SLC38A8: variants seen among roughly 807,000 people sequenced by gnomAD.
SLC38A8 encodes solute carrier family 38 member 8.
A neutral mutation model predicts 46.0 loss-of-function variants in SLC38A8; 65 were observed. The ratio of observed to expected loss-of-function variants is 1.41; its 90% CI spans 1.16 to 1.74. The LOEUF (loss-of-function observed/expected upper bound fraction) is 1.74, where lower values mean the gene tolerates loss of function less well. SLC38A8 is among the 40% of genes most tolerant of loss of function. The pLI, the probability that SLC38A8 is intolerant of heterozygous loss-of-function variation, is 0.00. For missense variants in SLC38A8, 998 were observed against 567.9 expected (o/e 1.76, Z -7.70); for synonymous variants, 447 against 243.7 (o/e 1.83, Z -7.77).
intron 6 of SLC38A8, among the ~76,000 whole-genome samples, chr16:84,028,682 TCCCCTGCCC>T (rs1280119363): frequency 7.0e-5 from 7 of 100,390 alleles, no homozygotes; most frequent in Admixed American, 3.1e-4. Flanking sequence ...GCCCGCCACC[TCCCCTGCCC>T]CCCCTGCCCC....
At position 84,042,148 on chromosome 16, in the gene SLC38A8, G is replaced by A. The variant is rs1270960525; in HGVS notation, c.10C>T (p.Gln4Ter). 2 of 1,611,294 alleles carry A rather than the reference G, an allele frequency of 1.2e-6. No individual in the cohort carries two copies. Among genetic ancestry groups the A allele is most frequent in the Non-Finnish European group, 1.7e-6 (2 of 1,178,982 alleles). The change falls in exon 2 of 11, where the codon CAG (glutamine) becomes TAG (stop). Residue 4 changes from glutamine to a stop codon, truncating the protein, a stop_gained. Transcript: ENST00000299709. LOFTEE classifies it high-confidence loss of function. ...GGAAGGCCCCTGCTTCCTGGGGTCT[G>A]TCCCTCCATGGCTAGAGGCGGCAGA... is the stretch of plus-strand genomic sequence containing the variant. MEG[Q>*]TPGSRGLPEK... is the part of the protein sequence containing the mutation.
chr16:84,025,858 G>C (rs532028745), intron 6 of SLC38A8, among the ~76,000 whole-genome samples: 8 of 152,218 alleles, frequency 5.3e-5, no homozygotes, highest in Non-Finnish European at 1.2e-4. Context: ...GCGCACCCCT[G>C]CTCTCTGGCC....
chr16:84,011,468 G>GC (rs1186343859), intron 10 of SLC38A8, among the ~76,000 whole-genome samples: 1 of 152,152 alleles, frequency 6.6e-6, no homozygotes, highest in African/African-American at 2.4e-5. Context: ...CAAAAACCAA[G>GC]CTTGGGCTCA....
chr16:84,033,139 T>C (rs1054637484), intron 4 of SLC38A8, among the ~76,000 whole-genome samples, 189 bp downstream of exon 4: 2 of 152,212 alleles, frequency 1.3e-5, no homozygotes, highest in Non-Finnish European at 2.9e-5. Context: ...TTACAGGTCA[T>C]TTTCTTCTTT....
chr16:84,041,877 C>A, intron 2 of SLC38A8, 92 bp downstream of exon 2: 1 of 1,174,124 alleles, frequency 8.5e-7, no homozygotes, highest in Non-Finnish European at 1.2e-6. Context: ...TTACAGGACA[C>A]GCAACTCCGC....
Position 84,009,708 on chromosome 16 carries a change from G to A in SLC38A8, c.*76C>T, listed in dbSNP as rs1203200123. 34 of 1,241,390 alleles carry A rather than the reference G, an allele frequency of 2.7e-5. No individual in the cohort carries two copies. The highest frequency in any genetic ancestry group is 1.8e-4 in the South Asian group (13 of 73,082). The allele number at this position is 1,241,390 out of a possible 1,614,324, so 76.9% of individuals were successfully genotyped here. A position where few individuals can be genotyped will look rare whatever the true frequency, so the allele number is the denominator to read the frequency against. On this transcript the variant is annotated 3_prime_UTR_variant, in exon 11 of 11. Coordinates refer to ENST00000299709, the MANE Select transcript of SLC38A8 (RefSeq NM_001080442.3). ...CTTTATGAGGAAAAGAAATGGCATC[G>A]GTCTCCTGGCTGCATACAGCAGCCA...
At chr16:84,015,383 C>T (rs540647274) in intron 9 of SLC38A8, among the ~76,000 whole-genome samples, 22 of 152,142 alleles carry the variant, frequency 1.4e-4, no homozygotes, top group African/African-American at 5.3e-4. Context: ...TTCGCAGAAA[C>T]GGTGTTTGCC....
intron 1 of SLC38A8, 117 bp from the exon 2 acceptor site, chr16:84,042,276 G>T: frequency 8.9e-7 from 1 of 1,127,936 alleles, no homozygotes; most frequent in Non-Finnish European, 1.2e-6. Flanking sequence ...GCTCCTGCCC[G>T]CTTCCTTGGC....
chr16:84,026,929 G>A (rs1257950795), intron 6 of SLC38A8, among the ~76,000 whole-genome samples: 1 of 152,232 alleles, frequency 6.6e-6, no homozygotes, highest in Non-Finnish European at 1.5e-5. Context: ...AGGGGCAACA[G>A]AAAGGTTCTC....
In SLC38A8 at chr16:84,036,687, C is replaced by T. The variant is rs1413317647; in HGVS notation, c.388+15G>A. The T allele has an allele frequency of 1.2e-6, 2 of 1,613,826 alleles. No individual in the cohort carries two copies. The highest frequency in any genetic ancestry group is 1.7e-6 in the Non-Finnish European group (2 of 1,180,006). The stretch of plus-strand genomic sequence containing the variant: ...CGGCACCCTGGGCCACCCCGAGTCC[C>T]ATGAAGGTACTTACGCTTCTCCAGC... On this transcript the variant is annotated intron_variant, in intron 3 of 10. Transcript: ENST00000299709.
chr16:84,025,617 C>A (rs941185080), intron 6 of SLC38A8, among the ~76,000 whole-genome samples: 4 of 152,206 alleles, frequency 2.6e-5, no homozygotes, highest in African/African-American at 7.2e-5. Context: ...ACCTACCCAT[C>A]CCGTGAACCC....
At chr16:84,041,799 C>G (rs1325165988) in intron 2 of SLC38A8, among the ~76,000 whole-genome samples, 170 bp downstream of exon 2, 1 of 152,186 alleles carries the variant, frequency 6.6e-6, no homozygotes, top group Admixed American at 6.5e-5. Flanking sequence ...CATCCCAGGG[C>G]TACAGTGGGA....
rs758802407 is a variant in SLC38A8 at position 84,031,619 on chromosome 16, C to T, written c.632+248G>A. Among the ~76,000 whole-genome samples, 58 of 152,370 alleles carry T rather than the reference C, an allele frequency of 3.8e-4. 2 individuals are homozygous for T. The highest frequency in any genetic ancestry group is 3.4e-3 in the Middle Eastern group (1 of 294). On this transcript the variant is annotated intron_variant, in intron 5 of 10. Transcript: ENST00000299709. Reference sequence around the variant, plus strand: ...CTGCAATAACCTATGACCCCTAGGCCGCCGCAGCCTTTGGCGGTTCTGCGT... The same window carrying T: ...CTGCAATAACCTATGACCCCTAGGCTGCCGCAGCCTTTGGCGGTTCTGCGT...
chr16:84,038,593 T>C (rs1023119998), intron 2 of SLC38A8, among the ~76,000 whole-genome samples: 1 of 152,190 alleles, frequency 6.6e-6, no homozygotes, highest in Non-Finnish European at 1.5e-5. Flanking sequence ...GTAGGGTGAA[T>C]ATTTACATAT....
intron 9 of SLC38A8, 34 bp downstream of exon 9, chr16:84,016,485 A>G: frequency 1.2e-6 from 2 of 1,606,406 alleles, no homozygotes; most frequent in Non-Finnish European, 1.7e-6. Context: ...GGGAAGAACA[A>G]GTGGGCAGAA....
At chr16:84,016,155 C>T (rs866362441) in intron 9 of SLC38A8, among the ~76,000 whole-genome samples, 1 of 152,186 alleles carries the variant, frequency 6.6e-6, no homozygotes, top group South Asian at 2.1e-4. Flanking sequence ...CTTATAAAAC[C>T]ATCAGATCTC....
At chr16:84,010,792 C>A (rs769916890) in intron 10 of SLC38A8, among the ~76,000 whole-genome samples, 6 of 152,154 alleles carry the variant, frequency 3.9e-5, no homozygotes, top group Middle Eastern at 3.4e-3. Context: ...TTTGAAAAGT[C>A]CCCCCACCCT....
chr16:84,039,640 G>T (rs1334356518), intron 2 of SLC38A8, among the ~76,000 whole-genome samples: 1 of 151,220 alleles, frequency 6.6e-6, no homozygotes, highest in Non-Finnish European at 1.5e-5. Context: ...CAGCTACTTG[G>T]GAGGAGGCTG....
chr16:84,042,823 G>A (rs56172388), upstream of SLC38A8, among the ~76,000 whole-genome samples: 464 of 152,296 alleles, frequency 3.0e-3, 4 homozygotes, highest in African/African-American at 0.011. Flanking sequence ...ACCTGAGCAA[G>A]GAAGGCTTAA....
Sources: allele counts gnomAD v4.1 joint callset (sites outside exome capture counted in the v4.1 genomes callset), GRCh38; gene constraint gnomAD v4.1.1; transcripts MANE v1.5; gene names NCBI Gene and HGNC (gene_info 2026-07-23, HGNC 2026-07-21).